The following HTR3B variants were observed in gnomAD, a reference collection of about 807,000 sequenced individuals.
HTR3B encodes 5-hydroxytryptamine (serotonin) receptor 3B, ionotropic.
HTR3B carries 44 observed loss-of-function variants against 42.8 expected under a neutral mutation model. The observed-to-expected ratio is 1.03, with a 90% CI of 0.81 to 1.32. The LOEUF is 1.32. Among genes scored for constraint, HTR3B ranks in the 40% most tolerant of loss-of-function variants. The pLI, the probability that HTR3B is intolerant of heterozygous loss-of-function variation, is 0.00. For synonymous variants in HTR3B, 203 were observed against 209.0 expected (o/e 0.97, Z 0.25); for missense variants, 527 against 536.5 (o/e 0.98, Z 0.17).
At chr11:113,919,211 A>G (rs1404313790) in intron 2 of HTR3B, among the ~76,000 whole-genome samples, 1 of 152,148 alleles carries the variant, frequency 6.6e-6, no homozygotes, top group East Asian at 1.9e-4. Flanking sequence ...TTAACTTATT[A>G]CAGTGTACTT....
chr11:113,904,895 G>T lies in HTR3B; in HGVS notation c.-39G>T. 6.4e-7 allele frequency: 1 copy of T among 1,560,654 alleles called. No homozygotes were observed. The highest frequency in any genetic ancestry group is 1.1e-5 in the South Asian group (1 of 89,846). On this transcript the variant is annotated 5_prime_UTR_variant, in exon 1 of 9. The change creates a new upstream start codon in the 5' untranslated region. Coordinates refer to ENST00000260191, the MANE Select transcript of HTR3B (RefSeq NM_006028.5). ...AAATTGAGCGGCATTCCATCTGGTA[G>T]GCAAGTTTGCATTTCTCCTTTTTGG...
chr11:113,938,730 A>G (rs1389397320), intron 6 of HTR3B, among the ~76,000 whole-genome samples: 1 of 152,236 alleles, frequency 6.6e-6, no homozygotes, highest in East Asian at 1.9e-4. Context: ...AGGGAAAATT[A>G]GTCTAGGCCT....
At chr11:113,899,637 A>G in the HTR3B span, among the ~76,000 whole-genome samples, 1 of 152,262 alleles carries the variant, frequency 6.6e-6, no homozygotes, top group African/African-American at 2.4e-5. Context: ...TTACTGGTAT[A>G]GCAGTAATTA....
At chr11:113,944,881 T>G (rs1950165028) in intron 8 of HTR3B, 126 bp downstream of exon 8, 1 of 782,820 alleles carries the variant, frequency 1.3e-6, no homozygotes, top group Non-Finnish European at 2.0e-6. Context: ...CTTCTTAGCC[T>G]GGGTGTGGCA....
Position 113,909,437 on chromosome 11 carries a change from C to T in HTR3B, c.195C>T (p.Val65=). 6.2e-7 allele frequency: 1 copy of T among 1,614,106 alleles called. No individual in the cohort carries two copies. The highest frequency in any genetic ancestry group is 8.5e-7 in the Non-Finnish European group (1 of 1,179,984). Residue 65 remains valine (V), a synonymous_variant, in exon 2 of 9, where the codon GTC becomes GTT. Coordinates refer to ENST00000260191, the MANE Select transcript of HTR3B (RefSeq NM_006028.5). ...KATTVYLDLF[V]HAILDVDAEN... is the part of the protein sequence containing the mutation. ...CCACAGTCTACCTGGACCTGTTCGT[C>T]CATGCTATATTGGATGTGGTAAGGA...
chr11:113,944,466 A>C (rs1950160854), intron 7 of HTR3B, 107 bp from the exon 8 acceptor site: 1 of 988,426 alleles, frequency 1.0e-6, no homozygotes. Context: ...GCACCACTGC[A>C]CTCCAGCTTG....
chr11:113,931,491 A>T, intron 3 of HTR3B, 63 bp downstream of exon 3: 1 of 1,016,014 alleles, frequency 9.8e-7, no homozygotes, highest in South Asian at 1.4e-5. Context: ...TGCAAAATAT[A>T]GTTATTTAAG....
At chr11:113,930,112 C>T (rs1475847720) in intron 2 of HTR3B, among the ~76,000 whole-genome samples, 1 of 152,098 alleles carries the variant, frequency 6.6e-6, no homozygotes, top group East Asian at 1.9e-4. Context: ...TGGATACAAG[C>T]CTCTTAATAG....
At chr11:113,920,691 C>A (rs35201864) in intron 2 of HTR3B, among the ~76,000 whole-genome samples, 10,819 of 152,066 alleles carry the variant, frequency 0.071, 501 homozygotes, top group Admixed American at 0.11. Flanking sequence ...CCCAATTATC[C>A]TATTAAGTAA....
At chr11:113,902,639 AG>A (rs1429901459), upstream of HTR3B, among the ~76,000 whole-genome samples, 1 of 152,186 alleles carries the variant, frequency 6.6e-6, no homozygotes, top group Admixed American at 6.5e-5. Context: ...CTTACAAACA[AG>A]GACATTCTTT....
At chr11:113,945,618 T>G (rs989864229) in intron 8 of HTR3B, among the ~76,000 whole-genome samples, 21 of 152,254 alleles carry the variant, frequency 1.4e-4, no homozygotes, top group African/African-American at 5.1e-4. Flanking sequence ...AAGCTCCTAC[T>G]GAGTCCATTT....
At chr11:113,925,847 A>AT (rs767197286) in intron 2 of HTR3B, among the ~76,000 whole-genome samples, 3 of 152,060 alleles carry the variant, frequency 2.0e-5, no homozygotes, top group Non-Finnish European at 2.9e-5. Context: ...TTATTAATAC[A>AT]TTTTTTTAAA....
In HTR3B at chr11:113,936,198, C is replaced by CT. The variant is rs986667012; in HGVS notation, c.696+3113dup. Reference sequence around the variant, plus strand: ...GATTTTGCATGGCAGTGGTTTTTTTCTTTTTTTTCTTTAAAGAATGAGGGT... The same window carrying CT: ...GATTTTGCATGGCAGTGGTTTTTTTCTTTTTTTTTCTTTAAAGAATGAGGGT... On this transcript the variant is annotated intron_variant, in intron 6 of 8. Transcript: ENST00000260191. Among the ~76,000 whole-genome samples, 5 of 151,600 alleles carry CT rather than the reference C, an allele frequency of 3.3e-5. No individual in the cohort carries two copies. In the East Asian group the frequency reaches 9.8e-4, roughly 30 times the overall value.
At chr11:113,906,193 C>T (rs1949732243) in intron 1 of HTR3B, among the ~76,000 whole-genome samples, 1 of 152,148 alleles carries the variant, frequency 6.6e-6, no homozygotes, top group Non-Finnish European at 1.5e-5. Flanking sequence ...ATACTTGTTG[C>T]AGAAAGACCT....
At chr11:113,914,865 A>T (rs549007041) in intron 2 of HTR3B, among the ~76,000 whole-genome samples, 32 of 152,250 alleles carry the variant, frequency 2.1e-4, no homozygotes, top group Non-Finnish European at 4.3e-4. Context: ...TACCAGTAAA[A>T]CTATAGGGGT....
intron 2 of HTR3B, among the ~76,000 whole-genome samples, chr11:113,917,764 C>T (rs373604981): frequency 2.0e-5 from 3 of 151,974 alleles, no homozygotes; most frequent in Non-Finnish European, 4.4e-5. Context: ...GCCACCACAC[C>T]CAGCTGGTTT....
In HTR3B at chr11:113,909,467, C is replaced by T. The variant is rs1565555828; in HGVS notation, c.213+12C>T. The T allele has an allele frequency of 6.2e-7, 1 of 1,609,406 alleles. No homozygotes were observed. Among genetic ancestry groups the T allele is most frequent in the African/African-American group, 1.3e-5 (1 of 74,870 alleles). On this transcript the variant is annotated intron_variant, in intron 2 of 8. Coordinates refer to ENST00000260191, the MANE Select transcript of HTR3B (RefSeq NM_006028.5). ...CTATATTGGATGTGGTAAGGACCAT[C>T]TTGCCCCTTCCTATTCTTGTTAACG...
intron 6 of HTR3B, among the ~76,000 whole-genome samples, chr11:113,936,394 G>A (rs944403714): frequency 2.0e-5 from 3 of 152,090 alleles, no homozygotes; most frequent in Admixed American, 1.3e-4. Flanking sequence ...TGCAAAGCGG[G>A]CATTTGGGAA....
Position 113,947,508 on chromosome 11 carries a change from G to A in HTR3B, c.*1371G>A, listed in dbSNP as rs1950189185. On this transcript the variant is annotated 3_prime_UTR_variant, in exon 9 of 9. Coordinates refer to ENST00000260191, the MANE Select transcript of HTR3B (RefSeq NM_006028.5). ...CTGGAAGCTAGAAGCCTAAGATCAA[G>A]GTGCAAACAGGGTGGGTGGCTTTCT... 6.6e-6 allele frequency among the ~76,000 whole-genome samples: 1 copy of A among 152,302 alleles called. No individual in the cohort carries two copies. Among genetic ancestry groups the A allele is most frequent in the Admixed American group, 6.5e-5 (1 of 15,294 alleles).
Sources: gnomAD v4.1 joint callset for allele counts (sites outside exome capture counted in the v4.1 genomes callset) on GRCh38, gnomAD v4.1.1 for gene constraint, MANE v1.5 for transcripts, NCBI Gene and HGNC (gene_info 2026-07-23, HGNC 2026-07-21) for gene names.